Variants in MAGI2 observed in about 807,000 individuals in gnomAD.
MAGI2 encodes the protein membrane associated guanylate kinase, WW and PDZ domain containing 2, also known as membrane-associated guanylate kinase, WW and PDZ domain-containing protein 2.
MAGI2 carries 35 observed loss-of-function variants against 133.3 expected under a neutral mutation model. The ratio of observed to expected loss-of-function variants is 0.26; its 90% CI spans 0.20 to 0.35. MAGI2 has a LOEUF of 0.35. MAGI2 is among the 10% of genes least tolerant of loss of function. MAGI2 has a pLI of 1.00. For synonymous variants in MAGI2, 729 were observed against 710.6 expected (o/e 1.03, Z -0.41); for missense variants, 1,636 against 1,863.4 (o/e 0.88, Z 2.25).
At position 79,366,029 on chromosome 7, in the gene MAGI2, C is replaced by T. The variant is rs181677693; in HGVS notation, c.301+86991G>A. 2.7e-5 allele frequency among the ~76,000 whole-genome samples: 4 copies of T among 150,942 alleles called. No homozygotes were observed. In the East Asian group the frequency reaches 5.9e-4, roughly 22 times the overall value. ...AGCCGACACAGGAGGATCACTTAAG[C>T]CCAGGGGTTGGAGACCAGCCTGGGC... On this transcript the variant is annotated intron_variant, in intron 1 of 21. Transcript: ENST00000354212.
intron 1 of MAGI2, among the ~76,000 whole-genome samples, chr7:79,443,870 T>A (rs977683679): frequency 6.6e-6 from 1 of 152,216 alleles, no homozygotes; most frequent in Non-Finnish European, 1.5e-5. Context: ...TAGTTTTGTT[T>A]CTTTCTGCTT....
At chr7:78,399,993 T>C (rs533682657) in intron 6 of MAGI2, among the ~76,000 whole-genome samples, 1 of 152,256 alleles carries the variant, frequency 6.6e-6, no homozygotes, top group South Asian at 2.1e-4. Context: ...AGGAACATCT[T>C]TGGTTTGTCA....
intron 2 of MAGI2, among the ~76,000 whole-genome samples, chr7:78,825,597 GT>G (rs1228051867): frequency 6.6e-6 from 1 of 151,994 alleles, no homozygotes; most frequent in Admixed American, 6.6e-5. Context: ...TAAAAAACTA[GT>G]TTTTTTAAAA....
intron 1 of MAGI2, among the ~76,000 whole-genome samples, chr7:79,202,876 C>A (rs1449819306): frequency 1.3e-5 from 2 of 151,966 alleles, no homozygotes; most frequent in Non-Finnish European, 1.5e-5. Flanking sequence ...GCATTTCCAG[C>A]TCTGAGTGCT....
intron 1 of MAGI2, among the ~76,000 whole-genome samples, chr7:79,317,025 T>C (rs60587026): frequency 2.9e-4 from 42 of 144,740 alleles, no homozygotes; most frequent in South Asian, 1.3e-3. Context: ...TTTTCTTTTT[T>C]TTTTTTTTTT....
intron 6 of MAGI2, among the ~76,000 whole-genome samples, chr7:78,477,122 T>TCC (rs67833227): frequency 2.4e-4 from 1 of 4,234 alleles, no homozygotes; most frequent in Admixed American, 2.8e-3. Context: ...GAGAGAACTT[T>TCC]ATATATTCAG....
chr7:78,849,273 T>G (rs1792915128), intron 2 of MAGI2, among the ~76,000 whole-genome samples: 1 of 152,036 alleles, frequency 6.6e-6, no homozygotes, highest in African/African-American at 2.4e-5. Flanking sequence ...GTACTCAGGA[T>G]GCAGAAATAG....
intron 1 of MAGI2, among the ~76,000 whole-genome samples, chr7:79,008,557 A>AT (rs1489110694): frequency 3.3e-5 from 5 of 152,198 alleles, no homozygotes; most frequent in Admixed American, 2.0e-4. Flanking sequence ...CTCTTAATCT[A>AT]TTTTTCCACC....
chr7:79,217,686 A>G (rs1384891662), intron 1 of MAGI2, among the ~76,000 whole-genome samples: 1 of 152,012 alleles, frequency 6.6e-6, no homozygotes, highest in Non-Finnish European at 1.5e-5. Flanking sequence ...CTTTGTTTGA[A>G]CAGGGCTTTA....
chr7:79,125,103 T>C, intron 1 of MAGI2: 1 of 280,838 alleles, frequency 3.6e-6, no homozygotes. Context: ...TAAGAGACTA[T>C]TTGGAACAGT....
rs569996517 is a variant in MAGI2, at chr7:79,366,631, C to G, written c.301+86389G>C. 5.9e-5 allele frequency among the ~76,000 whole-genome samples: 9 copies of G among 152,126 alleles called. No homozygotes were observed. The East Asian group carries it at 1.5e-3, about 26-fold the overall frequency. ...TGTCAGTATCTGGTTTTGATCTTAT[C>G]CTATCATTTTTTCAAAATGTTATTA... is the stretch of plus-strand genomic sequence containing the variant. On this transcript the variant is annotated intron_variant, in intron 1 of 21. Transcript: ENST00000354212.
chr7:79,232,270 T>C (rs1048638017), intron 1 of MAGI2, among the ~76,000 whole-genome samples: 1 of 150,098 alleles, frequency 6.7e-6, no homozygotes, highest in Non-Finnish European at 1.5e-5. Context: ...TGGTTGTGTC[T>C]CTGCCAGGCT....
chr7:78,628,980 C>T (rs1307778617), intron 2 of MAGI2, among the ~76,000 whole-genome samples: 2 of 152,014 alleles, frequency 1.3e-5, no homozygotes, highest in East Asian at 1.9e-4. Flanking sequence ...AATTTATCTG[C>T]ATATTTCAGA....
chr7:79,215,210 C>G (rs978021879), intron 1 of MAGI2, among the ~76,000 whole-genome samples: 2 of 151,930 alleles, frequency 1.3e-5, no homozygotes, highest in Non-Finnish European at 2.9e-5. Flanking sequence ...GACAAACAGA[C>G]TCTTTGCAGC....
At chr7:78,241,505 A>G (rs1416711603) in intron 10 of MAGI2, among the ~76,000 whole-genome samples, 1 of 152,212 alleles carries the variant, frequency 6.6e-6, no homozygotes, top group Admixed American at 6.5e-5. Context: ...ATCTCTTTGC[A>G]TAGACACACT....
chr7:79,148,690 C>A (rs757030102), intron 1 of MAGI2, among the ~76,000 whole-genome samples: 14 of 151,614 alleles, frequency 9.2e-5, no homozygotes, highest in Non-Finnish European at 1.8e-4. Flanking sequence ...CTCTATGATA[C>A]CAGGAAAAAA....
intron 2 of MAGI2, among the ~76,000 whole-genome samples, chr7:78,671,984 T>TAA (rs1468410844): frequency 6.6e-6 from 1 of 152,236 alleles, no homozygotes; most frequent in Non-Finnish European, 1.5e-5. Flanking sequence ...TAATTGTTTT[T>TAA]AAGTGCAAAG....
At chr7:78,313,819 A>C (rs537689711) in intron 9 of MAGI2, among the ~76,000 whole-genome samples, 1 of 152,288 alleles carries the variant, frequency 6.6e-6, no homozygotes, top group African/African-American at 2.4e-5. Flanking sequence ...AGTTCCTCGG[A>C]TACTACAATG....
chr7:78,821,849 T>A (rs1226823801), intron 2 of MAGI2, among the ~76,000 whole-genome samples: 2 of 151,872 alleles, frequency 1.3e-5, no homozygotes, highest in East Asian at 3.9e-4. Context: ...AATGATAGAT[T>A]TGGGTTAGAT....
Sources: allele counts gnomAD v4.1 joint callset (sites outside exome capture counted in the v4.1 genomes callset), GRCh38; gene constraint gnomAD v4.1.1; transcripts MANE v1.5; gene names NCBI Gene and HGNC (gene_info 2026-07-23, HGNC 2026-07-21).